LINGO2: variants seen among roughly 807,000 people sequenced by gnomAD.
LINGO2 encodes leucine-rich repeat and immunoglobulin-like domain-containing nogo receptor-interacting protein 2.
Under a neutral mutation model 30.6 loss-of-function variants are expected in LINGO2, and 14 were observed. The ratio of observed to expected loss-of-function variants is 0.46; its 90% CI spans 0.30 to 0.72. LINGO2 has a LOEUF of 0.72. Among genes scored for constraint, LINGO2 ranks in the 30% least tolerant of loss-of-function variants. The pLI is 0.07. For synonymous variants in LINGO2, 317 were observed against 288.5 expected (o/e 1.10, Z -1.00); for missense variants, 729 against 751.7 (o/e 0.97, Z 0.35).
In LINGO2 at chr9:28,348,903, T is replaced by C. The variant is rs1416007097; in HGVS notation, c.-246+23933A>G. Among the ~76,000 whole-genome samples the C allele has an allele frequency of 6.7e-3, 1,002 of 149,486 alleles. 5 individuals carry two copies. The highest frequency in any genetic ancestry group is 0.018 in the African/African-American group (748 of 41,226). On this transcript the variant is annotated intron_variant, in intron 3 of 5. Transcript: ENST00000379992. ...ACCAGGGGCACACTGACACCTCACA[T>C]GGCAGGGTATTCCAACAGACCTGCA...
At chr9:28,959,101 T>G in the LINGO2 span, among the ~76,000 whole-genome samples, 2 of 152,104 alleles carry the variant, frequency 1.3e-5, no homozygotes, top group Non-Finnish European at 2.9e-5. Context: ...CTGCATGTAC[T>G]GCTCATGTTT....
the LINGO2 span, among the ~76,000 whole-genome samples, chr9:29,057,489 A>G: frequency 6.6e-6 from 1 of 152,174 alleles, no homozygotes; most frequent in Non-Finnish European, 1.5e-5. Flanking sequence ...AAGGTGAGCC[A>G]TAGTATCATC....
intron 4 of LINGO2, among the ~76,000 whole-genome samples, chr9:28,288,102 C>G (rs1000569042): frequency 6.6e-6 from 1 of 152,130 alleles, no homozygotes. Flanking sequence ...TACTTCCGCC[C>G]CACCCTTTGC....
At chr9:28,397,637 T>A (rs903740421) in intron 2 of LINGO2, among the ~76,000 whole-genome samples, 1 of 138,264 alleles carries the variant, frequency 7.2e-6, no homozygotes, top group African/African-American at 2.7e-5. Context: ...AAGCTCCACC[T>A]CCCGGGTTCA....
intron 4 of LINGO2, among the ~76,000 whole-genome samples, chr9:28,090,316 A>G (rs1327576730): frequency 2.0e-5 from 3 of 152,198 alleles, no homozygotes; most frequent in Admixed American, 1.3e-4. Context: ...AATCCTCAAT[A>G]AAATACTGGC....
At chr9:28,297,040 G>A (rs904127598) in intron 3 of LINGO2, among the ~76,000 whole-genome samples, 3 of 152,040 alleles carry the variant, frequency 2.0e-5, no homozygotes, top group Non-Finnish European at 2.9e-5. Context: ...AAAAGAAGCC[G>A]TATACTAGTG....
the LINGO2 span, among the ~76,000 whole-genome samples, chr9:28,958,587 C>T: frequency 2.6e-5 from 4 of 152,060 alleles, no homozygotes; most frequent in African/African-American, 4.8e-5. Context: ...CTCCAGGAAT[C>T]GGCATCTCCC....
At chr9:28,057,487 G>A (rs1191114330) in intron 4 of LINGO2, among the ~76,000 whole-genome samples, 2 of 126,490 alleles carry the variant, frequency 1.6e-5, no homozygotes, top group Non-Finnish European at 3.6e-5. Context: ...CCTTGTTCAT[G>A]GCTTTCCAGT....
the LINGO2 span, among the ~76,000 whole-genome samples, chr9:28,679,277 A>C: frequency 6.6e-6 from 1 of 152,114 alleles, no homozygotes; most frequent in South Asian, 2.1e-4. Context: ...GCTACAATAC[A>C]GTTCCTTGGG....
intron 1 of LINGO2, among the ~76,000 whole-genome samples, chr9:28,550,321 G>T (rs1822207648): frequency 2.6e-5 from 4 of 151,404 alleles, no homozygotes; most frequent in Admixed American, 2.6e-4. Flanking sequence ...TTTTGTTGGT[G>T]CTGCATCCTT....
At chr9:28,443,899 G>A (rs189482503) in intron 2 of LINGO2, among the ~76,000 whole-genome samples, 4 of 152,234 alleles carry the variant, frequency 2.6e-5, no homozygotes, top group Admixed American at 1.3e-4. Context: ...GTCTGGGCTG[G>A]CAGTTCCAGG....
chr9:28,507,999 G>C (rs941698010), intron 1 of LINGO2, among the ~76,000 whole-genome samples: 1 of 151,956 alleles, frequency 6.6e-6, no homozygotes, highest in Admixed American at 6.6e-5. Context: ...GAAAAAAATA[G>C]GTATTCAAAA....
chr9:29,059,619 C>A, the LINGO2 span, among the ~76,000 whole-genome samples: 1 of 151,642 alleles, frequency 6.6e-6, no homozygotes, highest in Non-Finnish European at 1.5e-5. Flanking sequence ...CAAGCTAACA[C>A]AATTTATAAA....
At chr9:28,609,567 A>G (rs1283955819) in intron 1 of LINGO2, among the ~76,000 whole-genome samples, 3 of 152,070 alleles carry the variant, frequency 2.0e-5, no homozygotes, top group African/African-American at 7.2e-5. Flanking sequence ...CTATCTTCAC[A>G]TAAGATTAAA....
At chr9:28,705,822 C>T in the LINGO2 span, among the ~76,000 whole-genome samples, 1 of 152,142 alleles carries the variant, frequency 6.6e-6, no homozygotes, top group Non-Finnish European at 1.5e-5. Flanking sequence ...GCATTCTGCT[C>T]TGCTCTGTTA....
the LINGO2 span, among the ~76,000 whole-genome samples, chr9:29,002,897 T>C: frequency 6.6e-6 from 1 of 151,956 alleles, no homozygotes; most frequent in African/African-American, 2.4e-5. Context: ...CTTGCTACCT[T>C]TGAGTGTGAC....
chr9:28,317,066 T>C (rs1824871158), intron 3 of LINGO2, among the ~76,000 whole-genome samples: 1 of 152,214 alleles, frequency 6.6e-6, no homozygotes, highest in African/African-American at 2.4e-5. Context: ...AACTAAGTTC[T>C]TAGAAATATA....
the LINGO2 span, among the ~76,000 whole-genome samples, chr9:28,877,486 C>T: frequency 6.6e-6 from 1 of 152,168 alleles, no homozygotes; most frequent in Non-Finnish European, 1.5e-5. Flanking sequence ...CCAGTTTTCC[C>T]AGCTCCATTT....
chr9:28,855,991 C>T, the LINGO2 span, among the ~76,000 whole-genome samples: 3 of 151,906 alleles, frequency 2.0e-5, no homozygotes. Flanking sequence ...AGAATGAAAG[C>T]AAGATAACTG....
Sources: gnomAD v4.1 joint callset for allele counts (sites outside exome capture counted in the v4.1 genomes callset) on GRCh38, gnomAD v4.1.1 for gene constraint, MANE v1.5 for transcripts, NCBI Gene and HGNC (gene_info 2026-07-23, HGNC 2026-07-21) for gene names.